The following NELL1 variants were observed in gnomAD, a reference collection of about 807,000 sequenced individuals.
NELL1 encodes the protein neural EGFL like 1, also known as protein kinase C-binding protein NELL1.
In NELL1, 76 loss-of-function variants were observed where a neutral mutation model predicts 107.4. The observed-to-expected ratio is 0.71, with a 90% CI of 0.59 to 0.86. NELL1 has a LOEUF of 0.86. Ranked by LOEUF, NELL1 falls within the 40% of genes least tolerant of loss-of-function variation. The probability of loss-of-function intolerance (pLI) is 0.00; values close to 1 mark genes in which losing one functional copy is unlikely to be tolerated. For missense variants in NELL1, 1,024 were observed against 1,005.5 expected (o/e 1.02, Z -0.25); for synonymous variants, 353 against 341.2 (o/e 1.03, Z -0.38).
chr11:21,375,849 G>A (rs969400461), intron 15 of NELL1, among the ~76,000 whole-genome samples: 4 of 151,272 alleles, frequency 2.6e-5, no homozygotes, highest in African/African-American at 9.7e-5. Flanking sequence ...TTGTATGTCT[G>A]TCATCTTTTG....
intron 13 of NELL1, among the ~76,000 whole-genome samples, chr11:21,124,252 C>A (rs1033584295): frequency 7.2e-5 from 11 of 151,916 alleles, no homozygotes; most frequent in Non-Finnish European, 1.6e-4. Context: ...GAGTTTTTTT[C>A]CCCCCGAAGT....
chr11:21,213,252 C>G (rs1857541139), intron 13 of NELL1, among the ~76,000 whole-genome samples: 1 of 151,968 alleles, frequency 6.6e-6, no homozygotes, highest in South Asian at 2.1e-4. Flanking sequence ...GAGAGGCATA[C>G]TGTATCCATG....
chr11:21,528,147 T>C (rs117452713), intron 15 of NELL1, among the ~76,000 whole-genome samples: 1,855 of 152,348 alleles, frequency 0.012, 41 homozygotes, highest in East Asian at 0.077. Context: ...GTGGGGATTA[T>C]AAGTTACAGA....
intron 2 of NELL1, among the ~76,000 whole-genome samples, chr11:20,700,854 C>G (rs1854761924): frequency 6.6e-6 from 1 of 152,160 alleles, no homozygotes; most frequent in African/African-American, 2.4e-5. Context: ...TTTTTTATGG[C>G]TGCCTAGTAT....
At chr11:20,873,850 A>AC (rs1191513587) in intron 4 of NELL1, among the ~76,000 whole-genome samples, 1 of 149,058 alleles carries the variant, frequency 6.7e-6, no homozygotes, top group South Asian at 2.1e-4. Context: ...CGCAGCCTCG[A>AC]CCCCCCAGGC....
intron 15 of NELL1, among the ~76,000 whole-genome samples, chr11:21,489,379 T>TAAAAAAAAAA: frequency 6.3e-5 from 1 of 15,812 alleles, no homozygotes; most frequent in Non-Finnish European, 1.1e-4. Context: ...TGAAAGTATT[T>TAAAAAAAAAA]CAAAAAAAAA....
intron 14 of NELL1, among the ~76,000 whole-genome samples, chr11:21,249,389 A>G (rs1858579446): frequency 6.6e-6 from 1 of 152,116 alleles, no homozygotes; most frequent in Non-Finnish European, 1.5e-5. Context: ...TATTCTTGAA[A>G]GAAGGTTTTT....
intron 3 of NELL1, among the ~76,000 whole-genome samples, chr11:20,831,909 T>G (rs1858017890): frequency 6.6e-6 from 1 of 152,228 alleles, no homozygotes; most frequent in Non-Finnish European, 1.5e-5. Context: ...TTACATATAT[T>G]AGCTCTAGGC....
chr11:21,015,719 A>G (rs1852549035), intron 12 of NELL1, among the ~76,000 whole-genome samples: 1 of 151,910 alleles, frequency 6.6e-6, no homozygotes, highest in Admixed American at 6.6e-5. Context: ...AATCAATTCC[A>G]GAGTCCCATC....
intron 13 of NELL1, among the ~76,000 whole-genome samples, chr11:21,151,182 C>A (rs1044921192): frequency 1.3e-5 from 2 of 152,260 alleles, no homozygotes; most frequent in Non-Finnish European, 1.5e-5. Flanking sequence ...AGGTTGAATA[C>A]CCTGTGGCCT....
chr11:21,221,177 TC>T (rs1857747678), intron 13 of NELL1, among the ~76,000 whole-genome samples: 1 of 152,224 alleles, frequency 6.6e-6, no homozygotes, highest in African/African-American at 2.4e-5. Context: ...GATTTATGTC[TC>T]ACATTTATTG....
At chr11:21,346,349 A>T (rs1405797039) in intron 14 of NELL1, among the ~76,000 whole-genome samples, 1 of 152,056 alleles carries the variant, frequency 6.6e-6, no homozygotes, top group Non-Finnish European at 1.5e-5. Flanking sequence ...AATAGCATCA[A>T]GAAAAAATTC....
intron 2 of NELL1, among the ~76,000 whole-genome samples, chr11:20,743,631 C>T (rs940054191): frequency 6.6e-6 from 1 of 152,148 alleles, no homozygotes; most frequent in Admixed American, 6.5e-5. Flanking sequence ...TTTCCTCTTA[C>T]CCCACAGACC....
At chr11:21,220,124 G>A (rs750798067) in intron 13 of NELL1, among the ~76,000 whole-genome samples, 5 of 152,118 alleles carry the variant, frequency 3.3e-5, no homozygotes, top group African/African-American at 4.8e-5. Flanking sequence ...TTTACAATTC[G>A]ACATGAGGTT....
intron 15 of NELL1, among the ~76,000 whole-genome samples, chr11:21,531,435 C>T (rs1249170109): frequency 6.6e-6 from 1 of 152,100 alleles, no homozygotes; most frequent in Non-Finnish European, 1.5e-5. Context: ...CATTTGTAAG[C>T]TGTGTGACCC....
intron 15 of NELL1, among the ~76,000 whole-genome samples, chr11:21,408,581 G>A (rs1852289012): frequency 6.6e-6 from 1 of 152,028 alleles, no homozygotes; most frequent in Admixed American, 6.6e-5. Flanking sequence ...TTTGTCAGAT[G>A]AGTAGGTTGC....
At chr11:21,088,642 C>CT (rs1011768655) in intron 12 of NELL1, among the ~76,000 whole-genome samples, 4 of 151,964 alleles carry the variant, frequency 2.6e-5, no homozygotes, top group Admixed American at 2.0e-4. Context: ...GGTCAAGTGA[C>CT]TTTTTTTTAG....
At chr11:21,261,524 T>A (rs1848532142) in intron 14 of NELL1, among the ~76,000 whole-genome samples, 1 of 151,348 alleles carries the variant, frequency 6.6e-6, no homozygotes, top group South Asian at 2.1e-4. Flanking sequence ...ATTGCATATA[T>A]TTAGCCCTCA....
chr11:21,429,284 C>T (rs1852910002), intron 15 of NELL1, among the ~76,000 whole-genome samples: 3 of 152,134 alleles, frequency 2.0e-5, no homozygotes, highest in African/African-American at 7.2e-5. Flanking sequence ...ATGTAAAACT[C>T]ATGGGCTTAA....
Sources: allele counts gnomAD v4.1 joint callset (sites outside exome capture counted in the v4.1 genomes callset), GRCh38; gene constraint gnomAD v4.1.1; transcripts MANE v1.5; gene names NCBI Gene and HGNC (gene_info 2026-07-23, HGNC 2026-07-21).